The following GLIS1 variants were observed in gnomAD, a reference collection of about 807,000 sequenced individuals.
GLIS1 encodes zinc finger protein GLIS1.
In GLIS1, 24 loss-of-function variants were observed where a neutral mutation model predicts 63.8. The observed-to-expected ratio is 0.38, with a 90% CI of 0.27 to 0.53. GLIS1 has a LOEUF of 0.53. Among genes scored for constraint, GLIS1 ranks in the 20% least tolerant of loss-of-function variants. GLIS1 has a pLI of 0.85. For missense variants in GLIS1, 1,036 were observed against 1,074.1 expected, an observed-to-expected ratio of 0.96 and a Z score of 0.50; for synonymous variants, 450 against 482.5, an observed-to-expected ratio of 0.93 and a Z score of 0.88.
chr1:53,670,221 G>C (rs750892328), intron 2 of GLIS1, among the ~76,000 whole-genome samples: 28 of 152,196 alleles, frequency 1.8e-4, no homozygotes, highest in Non-Finnish European at 3.1e-4. Context: ...TCTCCATCAA[G>C]AGGAGGCAGC....
chr1:53,708,702 C>T (rs1646607104), intron 2 of GLIS1, among the ~76,000 whole-genome samples: 2 of 152,098 alleles, frequency 1.3e-5, no homozygotes, highest in Non-Finnish European at 2.9e-5. Context: ...CCAGGCCCAT[C>T]CCCAGGCTGA....
At chr1:53,518,195 G>C (rs1444214401) in intron 7 of GLIS1, among the ~76,000 whole-genome samples, 1 of 152,168 alleles carries the variant, frequency 6.6e-6, no homozygotes, top group Non-Finnish European at 1.5e-5. Flanking sequence ...AGCAGCTCGA[G>C]GACAGGGCCA....
rs1389512971 is a variant in GLIS1 at position 53,639,116 on chromosome 1, T to C, written c.260-38838A>G. ...ACTTTGAGCCAGTCCTTATTCTGAC[T>C]GAGCCTCAGTTTCCTCATCTGTAAA... On this transcript the variant is annotated intron_variant, in intron 2 of 10. Transcript: ENST00000628545. The surrounding 1 kb of genome is among the most constrained non-coding windows in gnomAD (Gnocchi z 4.6). Among the ~76,000 whole-genome samples, 1 of 152,204 alleles carries C rather than the reference T, an allele frequency of 6.6e-6. No homozygotes were observed. The highest frequency in any genetic ancestry group is 1.9e-4 in the East Asian group (1 of 5,198).
At chr1:53,607,190 G>A (rs937562174) in intron 2 of GLIS1, among the ~76,000 whole-genome samples, 4 of 152,234 alleles carry the variant, frequency 2.6e-5, no homozygotes, top group Non-Finnish European at 5.9e-5. Flanking sequence ...TCACAGACAT[G>A]AGGACATAAA....
At chr1:53,664,075 T>A (rs1409959518) in intron 2 of GLIS1, among the ~76,000 whole-genome samples, 1 of 151,860 alleles carries the variant, frequency 6.6e-6, no homozygotes, top group Non-Finnish European at 1.5e-5. Flanking sequence ...CTGCAGGGAG[T>A]CTGGCCCTAG....
chr1:53,708,073 G>A (rs1480770864), intron 2 of GLIS1, among the ~76,000 whole-genome samples: 2 of 151,970 alleles, frequency 1.3e-5, no homozygotes, highest in Non-Finnish European at 2.9e-5. Flanking sequence ...ACAAGGTCAG[G>A]AGATCGAGAC....
intron 4 of GLIS1, among the ~76,000 whole-genome samples, chr1:53,577,814 G>A (rs72899290): frequency 0.037 from 5,673 of 152,184 alleles, 354 homozygotes; most frequent in African/African-American, 0.13. Context: ...ACTATGGCCA[G>A]GATTGGTTTC....
intron 2 of GLIS1, among the ~76,000 whole-genome samples, chr1:53,693,992 G>A (rs1405827887): frequency 6.6e-6 from 1 of 152,172 alleles, no homozygotes; most frequent in Admixed American, 6.5e-5. Flanking sequence ...CCTGACGGTG[G>A]GCACTGGGCT....
intron 2 of GLIS1, among the ~76,000 whole-genome samples, chr1:53,674,904 C>A (rs1451420757): frequency 6.6e-6 from 1 of 152,136 alleles, no homozygotes; most frequent in East Asian, 1.9e-4. Flanking sequence ...ATGAGCCAAG[C>A]CTGGCATGCA....
chr1:53,638,347 C>G (rs1339610852), intron 2 of GLIS1, among the ~76,000 whole-genome samples: 3 of 152,180 alleles, frequency 2.0e-5, no homozygotes, highest in African/African-American at 7.2e-5. Flanking sequence ...CGGGTGTTGC[C>G]TGCAGGAAAC....
At chr1:53,513,142 A>AC in intron 8 of GLIS1, among the ~76,000 whole-genome samples, 5 of 151,660 alleles carry the variant, frequency 3.3e-5, no homozygotes, top group African/African-American at 1.2e-4. Flanking sequence ...GCCCCTCTGG[A>AC]CCCCCAGCTC....
intron 2 of GLIS1, among the ~76,000 whole-genome samples, chr1:53,715,009 C>G (rs1646683426): frequency 6.6e-6 from 1 of 152,234 alleles, no homozygotes; most frequent in Non-Finnish European, 1.5e-5. Flanking sequence ...CTTGCCCTCC[C>G]AGGCTCAAGC....
intron 7 of GLIS1, among the ~76,000 whole-genome samples, chr1:53,516,611 G>A (rs1296582369): frequency 2.0e-5 from 3 of 151,862 alleles, no homozygotes; most frequent in African/African-American, 2.4e-5. Context: ...CCATGAATTC[G>A]AGACCAGCCT....
At chr1:53,528,082 G>C (rs1008859603) in intron 5 of GLIS1, among the ~76,000 whole-genome samples, 1 of 152,188 alleles carries the variant, frequency 6.6e-6, no homozygotes, top group Non-Finnish European at 1.5e-5. Flanking sequence ...GCCTCTGGGA[G>C]ACATAACTGG....
chr1:53,589,230 C>T (rs1047461929), intron 4 of GLIS1, among the ~76,000 whole-genome samples: 1 of 152,230 alleles, frequency 6.6e-6, no homozygotes, highest in African/African-American at 2.4e-5. Flanking sequence ...CTCAGCCTCC[C>T]ACGTAGCTGG....
chr1:53,623,457 T>G (rs1323256514), intron 2 of GLIS1, among the ~76,000 whole-genome samples: 1 of 152,218 alleles, frequency 6.6e-6, no homozygotes, highest in Non-Finnish European at 1.5e-5. Context: ...AAAGGCTGAA[T>G]GTTTCCCCCC....
intron 2 of GLIS1, among the ~76,000 whole-genome samples, chr1:53,683,757 G>T (rs1215374115): frequency 1.3e-5 from 2 of 152,136 alleles, no homozygotes; most frequent in Admixed American, 1.3e-4. Flanking sequence ...ACCCTGGGGA[G>T]GTACTGAGCA....
chr1:53,736,313 G>T (rs1267410141), intron 2 of GLIS1, among the ~76,000 whole-genome samples: 1 of 152,188 alleles, frequency 6.6e-6, no homozygotes, highest in African/African-American at 2.4e-5. Flanking sequence ...CGTACACAAA[G>T]CCCCCAGGTG....
At chr1:53,525,126 G>C (rs1644452690) in intron 5 of GLIS1, among the ~76,000 whole-genome samples, 1 of 152,140 alleles carries the variant, frequency 6.6e-6, no homozygotes, top group South Asian at 2.1e-4. Flanking sequence ...TCTCCTCTCT[G>C]AGTCTCACCT....
Sources: allele counts gnomAD v4.1 joint callset (sites outside exome capture counted in the v4.1 genomes callset), GRCh38; gene constraint gnomAD v4.1.1; non-coding constraint Gnocchi (gnomAD v3.1); transcripts MANE v1.5; gene names NCBI Gene and HGNC (gene_info 2026-07-23, HGNC 2026-07-21).